The following SHCBP1 variants were observed in gnomAD, a reference collection of about 807,000 sequenced individuals.
SHCBP1 encodes SHC SH2 domain-binding protein 1.
Under a neutral mutation model 75.1 loss-of-function variants are expected in SHCBP1, and 60 were observed. That is an observed-to-expected ratio of 0.80 (90% CI 0.65 to 0.99). The LOEUF is 0.99. Ranked by LOEUF, SHCBP1 falls within the 50% of genes least tolerant of loss-of-function variation. The probability of loss-of-function intolerance (pLI) is 0.00; values close to 1 mark genes in which losing one functional copy is unlikely to be tolerated. For synonymous variants in SHCBP1, 290 were observed against 293.2 expected (o/e 0.99, Z 0.11); for missense variants, 709 against 809.4 (o/e 0.88, Z 1.50).
chr16:46,592,618 T>C (rs1322069497), intron 10 of SHCBP1, among the ~76,000 whole-genome samples: 1 of 152,012 alleles, frequency 6.6e-6, no homozygotes, highest in Non-Finnish European at 1.5e-5. Flanking sequence ...TTATCGATAA[T>C]AGAACCAGAC....
At chr16:46,597,941 C>T (rs1459217471) in intron 9 of SHCBP1, among the ~76,000 whole-genome samples, 2 of 152,212 alleles carry the variant, frequency 1.3e-5, no homozygotes, top group East Asian at 1.9e-4. Context: ...CCACCTTCTT[C>T]GCTCATCCAT....
At position 46,598,717 on chromosome 16, in the gene SHCBP1, T is replaced by C. The variant is rs953652638; in HGVS notation, c.1345+1114A>G. Among the ~76,000 whole-genome samples, 11 of 152,344 alleles carry C rather than the reference T, an allele frequency of 7.2e-5. No individual in the cohort carries two copies. In the East Asian group the frequency reaches 2.1e-3, roughly 29 times the overall value. On this transcript the variant is annotated intron_variant, in intron 9 of 12. Transcript: ENST00000303383. The stretch of plus-strand genomic sequence containing the variant: ...CCTTTGAAGCTGTGAAGCCAAGCAC[T>C]GACTTCTCCTCTCTAACTATGAAAA...
In SHCBP1 at chr16:46,592,951, C is replaced by CAAAAAAAAA; in HGVS notation, c.1464+2592_1464+2600dup. The stretch of plus-strand genomic sequence containing the variant: ...AACATCCACTTATGATAAAAATTCT[C>CAAAAAAAAA]AAAAAAAAAAAAAAAAAAAAAAAAA... On this transcript the variant is annotated intron_variant, in intron 10 of 12. Transcript: ENST00000303383. 9.7e-4 allele frequency among the ~76,000 whole-genome samples: 22 copies of CAAAAAAAAA among 22,792 alleles called. 3 individuals are homozygous for CAAAAAAAAA. The highest frequency in any genetic ancestry group is 1.7e-3 in the African/African-American group (13 of 7,454). The allele number at this position is 22,792 out of a possible 152,430, so 15.0% of individuals were successfully genotyped here. A position where few individuals can be genotyped will look rare whatever the true frequency, so the allele number is the denominator to read the frequency against.
chr16:46,609,244 C>T (rs1179619733), intron 4 of SHCBP1, among the ~76,000 whole-genome samples: 1 of 152,056 alleles, frequency 6.6e-6, no homozygotes, highest in Non-Finnish European at 1.5e-5. Context: ...ACAAGAATCG[C>T]TTGAACTGGG....
intron 5 of SHCBP1, among the ~76,000 whole-genome samples, chr16:46,606,011 A>G (rs1030925877): frequency 4.6e-5 from 7 of 152,132 alleles, no homozygotes; most frequent in African/African-American, 1.4e-4. Context: ...TAAAAATAAA[A>G]AAAAGAAATT....
In SHCBP1 at chr16:46,599,950, G is replaced by A. The variant is rs1239891587; in HGVS notation, c.1226C>T (p.Pro409Leu). 6.2e-7 allele frequency: 1 copy of A among 1,613,154 alleles called. No individual in the cohort carries two copies. Among genetic ancestry groups the A allele is most frequent in the Non-Finnish European group, 8.5e-7 (1 of 1,179,672 alleles). Residue 409 changes from proline (P) to leucine (L), a missense_variant, in exon 9 of 13, where the codon CCA becomes CTA. Coordinates refer to ENST00000303383, the MANE Select transcript of SHCBP1 (RefSeq NM_024745.5). Reference sequence around the variant, plus strand: ...CCTCTTTTCTATCACAATGTCATCTGGTAGGCCATATCCTAAGGAAGAGAG... The same window carrying A: ...CCTCTTTTCTATCACAATGTCATCTAGTAGGCCATATCCTAAGGAAGAGAG... The part of the protein sequence containing the change: ...DSIELEGYGL[P>L]DDIVIEKRGK...
intron 10 of SHCBP1, among the ~76,000 whole-genome samples, chr16:46,586,498 A>C (rs541788537): frequency 1.6e-3 from 242 of 152,312 alleles, no homozygotes; most frequent in African/African-American, 5.4e-3. Context: ...TATTCATGTC[A>C]TCAGAGTCCT....
intron 8 of SHCBP1, among the ~76,000 whole-genome samples, 156 bp from the exon 9 acceptor site, chr16:46,600,118 C>G (rs1965210131): frequency 6.6e-6 from 1 of 152,226 alleles, no homozygotes; most frequent in African/African-American, 2.4e-5. Flanking sequence ...CCCACATATC[C>G]TGTTTAATTT....
At position 46,584,102 on chromosome 16, in the gene SHCBP1, G is replaced by A; in HGVS notation, c.1465-13C>T. On this transcript the variant is annotated splice_polypyrimidine_tract_variant and intron_variant, in intron 10 of 12. Transcript: ENST00000303383. ...CTATACCAGCACCCTGTGAGTCACA[G>A]TTTGAGATAATGACAATCAGTTTTT... The A allele has an allele frequency of 1.3e-6, 2 of 1,569,184 alleles. No homozygotes were observed. The highest frequency in any genetic ancestry group is 2.3e-5 in the South Asian group (2 of 86,140).
chr16:46,598,435 T>C (rs1965177020), intron 9 of SHCBP1, among the ~76,000 whole-genome samples: 1 of 152,172 alleles, frequency 6.6e-6, no homozygotes, highest in Non-Finnish European at 1.5e-5. Context: ...CCAGGTACAT[T>C]GTCAATAAGC....
intron 5 of SHCBP1, among the ~76,000 whole-genome samples, chr16:46,607,934 C>T (rs1237275214): frequency 1.3e-5 from 2 of 152,096 alleles, no homozygotes; most frequent in African/African-American, 4.8e-5. Flanking sequence ...TTCAAACAAT[C>T]GAATTTAACA....
In SHCBP1 at chr16:46,617,701, T is replaced by C; in HGVS notation, c.320A>G (p.Glu107Gly). The change falls in exon 3 of 13, where the codon GAG becomes GGG. Residue 107 changes from glutamate to glycine, a missense_variant. Coordinates refer to ENST00000303383, the MANE Select transcript of SHCBP1 (RefSeq NM_024745.5). ...CCATCCAGATGGCTCAAGGACCTTC[T>C]CCAAGAACTCAGCTGTGAATTCCTG... ...EVQEFTAEFL[E>G]KVLEPSGWRA... The C allele has an allele frequency of 6.2e-7, 1 of 1,613,282 alleles. No homozygotes were observed. The highest frequency in any genetic ancestry group is 8.5e-7 in the Non-Finnish European group (1 of 1,180,018).
chr16:46,585,828 T>A (rs1200024234), intron 10 of SHCBP1, among the ~76,000 whole-genome samples: 1 of 152,162 alleles, frequency 6.6e-6, no homozygotes, highest in Non-Finnish European at 1.5e-5. Context: ...TATATCACAG[T>A]GCCAGTGGAG....
chr16:46,580,350 TAC>T lies in SHCBP1; in HGVS notation c.*1377_*1378del. 6.6e-6 allele frequency among the ~76,000 whole-genome samples: 1 copy of T among 152,260 alleles called. No individual in the cohort carries two copies. The highest frequency in any genetic ancestry group is 3.4e-3 in the Middle Eastern group (1 of 294). ...CAAATAATAAATCTAACATAAATCC[TAC>T]ATTTAGTAGCATCCAAAAAATAAGA... On this transcript the variant is annotated 3_prime_UTR_variant, in exon 13 of 13. Coordinates refer to ENST00000303383, the MANE Select transcript of SHCBP1 (RefSeq NM_024745.5).
intron 10 of SHCBP1, among the ~76,000 whole-genome samples, chr16:46,590,235 T>C (rs1363791727): frequency 6.6e-6 from 1 of 152,152 alleles, no homozygotes; most frequent in Non-Finnish European, 1.5e-5. Context: ...ATCTAGGCAA[T>C]ACCATTCAGG....
chr16:46,584,132 G>A (rs959592598), intron 10 of SHCBP1, 43 bp from the exon 11 acceptor site: 2 of 1,419,002 alleles, frequency 1.4e-6, no homozygotes, highest in Middle Eastern at 3.5e-4. Flanking sequence ...GTTTTTAAAA[G>A]GCAAGACTAT....
chr16:46,613,806 C>A (rs752010578), intron 4 of SHCBP1, among the ~76,000 whole-genome samples: 69 of 152,178 alleles, frequency 4.5e-4, no homozygotes, highest in African/African-American at 1.5e-3. Flanking sequence ...AGACATACCC[C>A]ATCCTTGACT....
In SHCBP1 at chr16:46,581,709, A is replaced by C. The variant is rs754573344; in HGVS notation, c.*20T>G. The C allele has an allele frequency of 1.3e-6, 2 of 1,595,492 alleles. No homozygotes were observed. The highest frequency in any genetic ancestry group is 8.6e-7 in the Non-Finnish European group (1 of 1,168,300). On this transcript the variant is annotated 3_prime_UTR_variant, in exon 13 of 13. Coordinates refer to ENST00000303383, the MANE Select transcript of SHCBP1 (RefSeq NM_024745.5). The stretch of plus-strand genomic sequence containing the variant: ...CATGTGCAAAATCCAGTATTTTGCT[A>C]TCTACTTACATCACTGTAGTCAGAA...
At chr16:46,590,414 C>T (rs1458384514) in intron 10 of SHCBP1, among the ~76,000 whole-genome samples, 3 of 152,014 alleles carry the variant, frequency 2.0e-5, no homozygotes, top group South Asian at 2.1e-4. Context: ...TACAATCTAC[C>T]CATCTGACAG....
Sources: allele counts gnomAD v4.1 joint callset (sites outside exome capture counted in the v4.1 genomes callset), GRCh38; gene constraint gnomAD v4.1.1; transcripts MANE v1.5; gene names NCBI Gene and HGNC (gene_info 2026-07-23, HGNC 2026-07-21).